Variants in SBNO1 observed in about 807,000 individuals in gnomAD.
SBNO1 encodes the protein strawberry notch homolog 1, also known as protein strawberry notch homolog 1.
In SBNO1, 23 loss-of-function variants were observed where a neutral mutation model predicts 173.6. The observed-to-expected ratio is 0.13, with a 90% CI of 0.10 to 0.19. The LOEUF (loss-of-function observed/expected upper bound fraction) is 0.19, where lower values mean the gene tolerates loss of function less well. SBNO1 is among the 10% of genes least tolerant of loss of function. The probability of loss-of-function intolerance (pLI) is 1.00; values close to 1 mark genes in which losing one functional copy is unlikely to be tolerated. For synonymous variants in SBNO1, 632 were observed against 571.5 expected (o/e 1.11, Z -1.51); for missense variants, 1,238 against 1,671.2 (o/e 0.74, Z 4.52).
intron 30 of SBNO1, among the ~76,000 whole-genome samples, chr12:123,299,318 A>C (rs2048704339): frequency 6.6e-6 from 1 of 151,156 alleles, no homozygotes; most frequent in African/African-American, 2.4e-5. Context: ...CAGTGAGCCG[A>C]GATCGTGCCA....
chr12:123,363,385 G>A (rs1456068888), intron 1 of SBNO1, among the ~76,000 whole-genome samples: 2 of 152,134 alleles, frequency 1.3e-5, no homozygotes, highest in African/African-American at 4.8e-5. Flanking sequence ...CCTCTGTACT[G>A]TCAGCTCGCA....
intron 23 of SBNO1, among the ~76,000 whole-genome samples, chr12:123,314,324 G>T (rs1201989222): frequency 8.5e-6 from 1 of 117,626 alleles, no homozygotes; most frequent in Non-Finnish European, 2.0e-5. Flanking sequence ...CCGCCACCAT[G>T]CCCAACTAAA....
intron 5 of SBNO1, among the ~76,000 whole-genome samples, chr12:123,337,872 TTATTCTCCTACCTA>T (rs1413955687): frequency 6.6e-6 from 1 of 152,184 alleles, no homozygotes; most frequent in Non-Finnish European, 1.5e-5. Context: ...CCTCCATCCT[TTATTCTCCTACCTA>T]TAGTTTTTTA....
Position 123,350,458 on chromosome 12 carries a change from T to C in SBNO1, c.1-17A>G, listed in dbSNP as rs778147803. 1.9e-5 allele frequency: 31 copies of C among 1,604,568 alleles called. 1 individual carries two copies. Among genetic ancestry groups the C allele is most frequent in the Admixed American group, 3.4e-5 (2 of 59,700 alleles). On this transcript the variant is annotated splice_polypyrimidine_tract_variant and intron_variant, in intron 1 of 31. Coordinates refer to ENST00000602398, the MANE Select transcript of SBNO1 (RefSeq NM_001167856.3). Reference sequence around the variant, plus strand: ...CTCCACCATCTTTAAAGGGAAATATTAAATATTAACATAAAAAACAAAAAG... The same window carrying C: ...CTCCACCATCTTTAAAGGGAAATATCAAATATTAACATAAAAAACAAAAAG...
At chr12:123,339,728 A>C (rs1294824014) in intron 5 of SBNO1, among the ~76,000 whole-genome samples, 1 of 152,142 alleles carries the variant, frequency 6.6e-6, no homozygotes, top group Admixed American at 6.5e-5. Context: ...CGGAGATTGC[A>C]GTGAGCCAAG....
At chr12:123,324,304 G>T (rs536680589) in intron 15 of SBNO1, among the ~76,000 whole-genome samples, 1 of 148,324 alleles carries the variant, frequency 6.7e-6, no homozygotes, top group African/African-American at 2.5e-5. Context: ...TAGATTAGCA[G>T]GTGTATGTCT....
At chr12:123,342,429 C>T (rs896944293) in intron 4 of SBNO1, among the ~76,000 whole-genome samples, 21 of 151,820 alleles carry the variant, frequency 1.4e-4, no homozygotes, top group Non-Finnish European at 2.4e-4. Flanking sequence ...CCAGCCTGGG[C>T]GACAGATCAA....
chr12:123,338,645 A>G (rs896486005), intron 5 of SBNO1, among the ~76,000 whole-genome samples: 1 of 152,138 alleles, frequency 6.6e-6, no homozygotes, highest in African/African-American at 2.4e-5. Flanking sequence ...AGACTGCACC[A>G]ATGCACTCCA....
intron 30 of SBNO1, among the ~76,000 whole-genome samples, chr12:123,301,033 C>T (rs1427617084): frequency 6.6e-6 from 1 of 150,668 alleles, no homozygotes; most frequent in African/African-American, 2.4e-5. Flanking sequence ...TTTTTTAGAC[C>T]ACGTCTTGCT....
intron 15 of SBNO1, among the ~76,000 whole-genome samples, chr12:123,325,083 T>C (rs1870465007): frequency 6.6e-6 from 1 of 152,198 alleles, no homozygotes; most frequent in African/African-American, 2.4e-5. Context: ...AGTGCTGAGA[T>C]TACAGCTGTG....
intron 7 of SBNO1, among the ~76,000 whole-genome samples, chr12:123,332,009 G>A (rs1446147567): frequency 1.3e-5 from 2 of 150,734 alleles, no homozygotes; most frequent in East Asian, 2.0e-4. Context: ...GCACCACCAC[G>A]CCCAGCTAAT....
intron 29 of SBNO1, among the ~76,000 whole-genome samples, chr12:123,303,641 G>C (rs948999096): frequency 6.9e-6 from 1 of 145,356 alleles, no homozygotes; most frequent in Non-Finnish European, 1.5e-5. Context: ...CAGAACCTTA[G>C]AAGTTTCTTA....
intron 1 of SBNO1, among the ~76,000 whole-genome samples, chr12:123,357,509 G>A (rs9300259): frequency 0.95 from 144,937 of 152,158 alleles, 69,157 homozygotes; most frequent in Non-Finnish European, 0.96. Flanking sequence ...TTGGTAGGCT[G>A]AGGCAGGCGG....
intron 8 of SBNO1, 124 bp from the exon 9 acceptor site, chr12:123,330,633 T>G: frequency 2.1e-6 from 1 of 466,850 alleles, no homozygotes; most frequent in Non-Finnish European, 3.4e-6. Flanking sequence ...GAAAATACAC[T>G]TACTCATTAA....
intron 30 of SBNO1, among the ~76,000 whole-genome samples, chr12:123,301,687 A>C (rs959136713): frequency 1.1e-4 from 17 of 152,162 alleles, no homozygotes; most frequent in Non-Finnish European, 1.9e-4. Context: ...TGTGCTATTA[A>C]CTTTGGGAAT....
intron 7 of SBNO1, 40 bp from the exon 8 acceptor site, chr12:123,331,415 A>C (rs373942141): frequency 6.3e-7 from 1 of 1,598,684 alleles, no homozygotes; most frequent in East Asian, 2.2e-5. Context: ...AATCCTTCAG[A>C]TATTTTGGTG....
chr12:123,311,519 T>G (rs764368022), intron 24 of SBNO1, among the ~76,000 whole-genome samples: 15 of 151,468 alleles, frequency 9.9e-5, no homozygotes, highest in Non-Finnish European at 1.6e-4. Flanking sequence ...GACTACAGGC[T>G]AAGTTTCATA....
chr12:123,302,257 T>G (rs1444948089), intron 30 of SBNO1, among the ~76,000 whole-genome samples: 1 of 146,926 alleles, frequency 6.8e-6, no homozygotes, highest in African/African-American at 2.5e-5. Flanking sequence ...TTTGTTTTTT[T>G]TTTTTAATGG....
At position 123,341,000 on chromosome 12, in the gene SBNO1, A is replaced by T; in HGVS notation, c.639T>A (p.Phe213Leu). 2 of 1,586,004 alleles carry T rather than the reference A, an allele frequency of 1.3e-6. No homozygotes were observed. The highest frequency in any genetic ancestry group is 1.8e-4 in the Middle Eastern group (1 of 5,662). Reference protein sequence around the residue: ...MWINDMKMRSFSPTMKVPVVK... With the variant: ...MWINDMKMRSLSPTMKVPVVK... ...ATTTGAAACTCACCATGGTTGGGGAAAAACTCCTCATCTTCATGTCGTTTA... is the reference window on the plus strand; with the variant it reads ...ATTTGAAACTCACCATGGTTGGGGATAAACTCCTCATCTTCATGTCGTTTA... Residue 213 changes from phenylalanine to leucine, a missense_variant, in exon 5 of 32, where the codon TTT (phenylalanine) becomes TTA (leucine). This residue lies in a region of SBNO1 where 287 missense variants were observed against 274.1 expected (regional missense o/e 1.05). Transcript: ENST00000602398.
Sources: gnomAD v4.1 joint callset for allele counts (sites outside exome capture counted in the v4.1 genomes callset) on GRCh38, gnomAD v4.1.1 for gene constraint, gnomAD v4.1.1 regional missense constraint, MANE v1.5 for transcripts, NCBI Gene and HGNC (gene_info 2026-07-23, HGNC 2026-07-21) for gene names.